Variants in DIO3 observed in about 807,000 individuals in gnomAD.
DIO3 encodes thyroxine 5-deiodinase.
DIO3 carries 5 observed loss-of-function variants against 20.4 expected under a neutral mutation model. The ratio of observed to expected loss-of-function variants is 0.25; its 90% CI spans 0.13 to 0.52. The LOEUF is 0.52. Ranked by LOEUF, DIO3 falls within the 20% of genes least tolerant of loss-of-function variation. The probability of loss-of-function intolerance (pLI) is 0.97; values close to 1 mark genes in which losing one functional copy is unlikely to be tolerated. For synonymous variants in DIO3, 201 were observed against 193.3 expected, an observed-to-expected ratio of 1.04 and a Z score of -0.33; for missense variants, 341 against 438.2, an observed-to-expected ratio of 0.78 and a Z score of 1.98.
In DIO3 at chr14:101,561,559, G is replaced by C. The variant is rs978983211; in HGVS notation, c.63G>C (p.Ser21=). Residue 21 remains serine, a synonymous_variant, in exon 1 of 1, where the codon TCG becomes TCC. Transcript: ENST00000510508. This position sits in a 1 kb window ranked among gnomAD's most constrained non-coding sequence, Gnocchi z 8.0. The stretch of plus-strand genomic sequence containing the variant: ...AGGGCGAGGGGTCCCAGGGGGCTTC[G>C]GGGCCTGCAGCCACCATGCTCCGCT... 2.5e-6 allele frequency: 4 copies of C among 1,612,840 alleles called. No individual in the cohort carries two copies. The highest frequency in any genetic ancestry group is 3.4e-6 in the Non-Finnish European group (4 of 1,179,764).
At position 101,561,830 on chromosome 14, in the gene DIO3, G is replaced by A. The variant is rs1279601854; in HGVS notation, c.334G>A (p.Ala112Thr). Residue 112 changes from alanine (A) to threonine (T), a missense_variant, in exon 1 of 1, where the codon GCG becomes ACG. Coordinates refer to ENST00000510508, the Ensembl canonical transcript of DIO3. This position sits in a 1 kb window ranked among gnomAD's most constrained non-coding sequence, Gnocchi z 8.0. ...CGACGACAACCGCCTGTGCACCCTG[G>A]CGTCGCTCAAGGCGGTGTGGCATGG... is the stretch of plus-strand genomic sequence containing the variant. 6.2e-7 allele frequency: 1 copy of A among 1,609,992 alleles called. No individual in the cohort carries two copies. Among genetic ancestry groups the A allele is most frequent in the Non-Finnish European group, 8.5e-7 (1 of 1,179,858 alleles).
Position 101,561,970 on chromosome 14 carries a change from C to A in DIO3, c.474C>A (p.Asn158Lys). The change falls in exon 1 of 1, where the codon AAC (asparagine) becomes AAA (lysine). Residue 158 changes from asparagine (N) to lysine (K), a missense_variant. This residue lies in a region of DIO3 where 198 missense variants were observed against 220.7 expected (regional missense o/e 0.90). Coordinates refer to ENST00000510508, the Ensembl canonical transcript of DIO3. This position sits in a 1 kb window ranked among gnomAD's most constrained non-coding sequence, Gnocchi z 8.0. ...ACATCCTCGACTACGCGCAAGGGAA[C>A]CGCCCGCTGGTTCTCAATTTCGGCA... 6.2e-7 allele frequency: 1 copy of A among 1,602,940 alleles called. No individual in the cohort carries two copies. The highest frequency in any genetic ancestry group is 8.5e-7 in the Non-Finnish European group (1 of 1,179,982).
At position 101,561,897 on chromosome 14, in the gene DIO3, C is replaced by T. The variant is rs371556514; in HGVS notation, c.401C>T (p.Pro134Leu). ...TTCAAGCAGGCGCACGAGGGCGGTC[C>T]GGCGCCCAACTCCGAGGTGGTTCTG... The change falls in exon 1 of 1, where the codon CCG becomes CTG. Residue 134 changes from proline to leucine, a missense_variant. Physicochemically the swap from Pro to Leu is moderately conservative, Grantham distance 98 (BLOSUM62 -3). This residue lies in a region of DIO3 where 198 missense variants were observed against 220.7 expected (regional missense o/e 0.90). Coordinates refer to ENST00000510508, the Ensembl canonical transcript of DIO3. This position sits in a 1 kb window ranked among gnomAD's most constrained non-coding sequence, Gnocchi z 8.0. The T allele has an allele frequency of 2.5e-6, 4 of 1,604,614 alleles. No homozygotes were observed. Among genetic ancestry groups the T allele is most frequent in the Non-Finnish European group, 3.4e-6 (4 of 1,179,370 alleles).
chr14:101,562,150 G>A lies in DIO3; in HGVS notation c.654G>A (p.Gln218=). The A allele has an allele frequency of 1.2e-6, 2 of 1,612,992 alleles. No homozygotes were observed. The highest frequency in any genetic ancestry group is 1.7e-6 in the Non-Finnish European group (2 of 1,180,026). The change falls in exon 1 of 1, where the codon CAG becomes CAA. Residue 218 remains glutamine, a synonymous_variant. Transcript: ENST00000510508. This position sits in a 1 kb window ranked among gnomAD's most constrained non-coding sequence, Gnocchi z 8.7. The stretch of plus-strand genomic sequence containing the variant: ...CGGACTCTCCCTACATCATCCCACA[G>A]CACCGGAGCCTGGAGGACCGGGTCA...
Position 101,562,371 on chromosome 14 carries a change from A to G in DIO3, c.875A>G (p.Tyr292Cys), listed in dbSNP as rs1268917299. The change falls in exon 1 of 1, where the codon TAT becomes TGT. Residue 292 changes from tyrosine (Y) to cysteine (C), a missense_variant. Around this residue, in one of 3 missense-constraint regions of DIO3, gnomAD observed 138 missense variants for 197.8 expected, o/e 0.70. Coordinates refer to ENST00000510508, the Ensembl canonical transcript of DIO3. This position sits in a 1 kb window ranked among gnomAD's most constrained non-coding sequence, Gnocchi z 8.7. ...GAGCTGCGCACTTGGTTGGAACGCT[A>G]TGATGAGCAACTGCACGGCGCTCGG... is the stretch of plus-strand genomic sequence containing the variant. 1 of 1,613,636 alleles carries G rather than the reference A, an allele frequency of 6.2e-7. No individual in the cohort carries two copies.
Position 101,562,176 on chromosome 14 carries a change from G to C in DIO3, c.680G>C (p.Ser227Thr), listed in dbSNP as rs1358377405. 3 of 1,612,536 alleles carry C rather than the reference G, an allele frequency of 1.9e-6. No individual in the cohort carries two copies. Among genetic ancestry groups the C allele is most frequent in the Non-Finnish European group, 2.5e-6 (3 of 1,180,040 alleles). ...CACCGGAGCCTGGAGGACCGGGTCA[G>C]CGCAGCGAGGGTACTGCAGCAAGGT... is the stretch of plus-strand genomic sequence containing the variant. The change falls in exon 1 of 1, where the codon AGC (serine) becomes ACC (threonine). Residue 227 changes from serine (S) to threonine (T), a missense_variant. By Grantham distance (58) the Ser-to-Thr change is moderately conservative (BLOSUM62 1). Coordinates refer to ENST00000510508, the Ensembl canonical transcript of DIO3. This position sits in a 1 kb window ranked among gnomAD's most constrained non-coding sequence, Gnocchi z 8.7.
rs1405199396 is a variant in DIO3, at chr14:101,562,497, G to T, written c.*86G>T. The T allele has an allele frequency of 9.8e-6, 13 of 1,329,468 alleles. No homozygotes were observed. The highest frequency in any genetic ancestry group is 2.4e-5 in the East Asian group (1 of 42,048). The allele number at this position is 1,329,468 out of a possible 1,614,324, so 82.4% of individuals were successfully genotyped here. On this transcript the variant is annotated 3_prime_UTR_variant, in exon 1 of 1. Coordinates refer to ENST00000510508, the Ensembl canonical transcript of DIO3. The surrounding 1 kb of genome is among the most constrained non-coding windows in gnomAD (Gnocchi z 8.7). Reference sequence around the variant, plus strand: ...GTGCAAGCGCCTCAAACCAAGTCACGCTTGGCGAGGCCCCAGTGACACTGA... The same window carrying T: ...GTGCAAGCGCCTCAAACCAAGTCACTCTTGGCGAGGCCCCAGTGACACTGA...
rs2034537338 is a variant in DIO3 at position 101,562,449 on chromosome 14, G to A, written c.*38G>A. The A allele has an allele frequency of 6.4e-7, 1 of 1,557,318 alleles. No homozygotes were observed. Among genetic ancestry groups the A allele is most frequent in the East Asian group, 2.3e-5 (1 of 44,296 alleles). ...CAATTGACTGAACTTGGTGGGCTGGGCCTTCGAGCCTTCGAAGCCCACGTG... is the reference window on the plus strand; with the variant it reads ...CAATTGACTGAACTTGGTGGGCTGGACCTTCGAGCCTTCGAAGCCCACGTG... On this transcript the variant is annotated 3_prime_UTR_variant, in exon 1 of 1. Coordinates refer to ENST00000510508, the Ensembl canonical transcript of DIO3. The surrounding 1 kb of genome is among the most constrained non-coding windows in gnomAD (Gnocchi z 8.7).
In DIO3 at chr14:101,561,952, C is replaced by A; in HGVS notation, c.456C>A (p.Leu152=). 1 of 1,603,458 alleles carries A rather than the reference C, an allele frequency of 6.2e-7. No homozygotes were observed. The change falls in exon 1 of 1, where the codon CTC becomes CTA. Residue 152 remains leucine, a synonymous_variant. Transcript: ENST00000510508. The surrounding 1 kb of genome is among the most constrained non-coding windows in gnomAD (Gnocchi z 8.0). ...ACGGCTTCCAGAGCCAGCACATCCTCGACTACGCGCAAGGGAACCGCCCGC... is the reference window on the plus strand; with the variant it reads ...ACGGCTTCCAGAGCCAGCACATCCTAGACTACGCGCAAGGGAACCGCCCGC...
chr14:101,562,207 C>G lies in DIO3; in HGVS notation c.711C>G (p.Pro237=). 6.2e-7 allele frequency: 1 copy of G among 1,612,134 alleles called. No individual in the cohort carries two copies. The highest frequency in any genetic ancestry group is 1.1e-5 in the South Asian group (1 of 91,078). Residue 237 remains proline, a synonymous_variant, in exon 1 of 1, where the codon CCC becomes CCG. Transcript: ENST00000510508. The surrounding 1 kb of genome is among the most constrained non-coding windows in gnomAD (Gnocchi z 8.7). The stretch of plus-strand genomic sequence containing the variant: ...CGAGGGTACTGCAGCAAGGTGCACC[C>G]GGCTGCGCTCTGGTCCTCGACACCA...
rs1045082607 is a variant in DIO3, at chr14:101,562,657, C to T, written c.*246C>T. On this transcript the variant is annotated 3_prime_UTR_variant, in exon 1 of 1. Transcript: ENST00000510508. The surrounding 1 kb of genome is among the most constrained non-coding windows in gnomAD (Gnocchi z 8.7). ...CTCACTGGAAATCCTCTTTTGAGCG[C>T]GGGATATGGCTTGCCCTTGTCCGTG... 1 of 538,618 alleles carries T rather than the reference C, an allele frequency of 1.9e-6. No homozygotes were observed. Among genetic ancestry groups the T allele is most frequent in the Non-Finnish European group, 3.4e-6 (1 of 294,272 alleles). 33.4% of individuals were successfully genotyped at this position (538,618 alleles called of 1,614,324 possible).
rs1369488119 is a variant in DIO3, at chr14:101,561,894, G to T, written c.398G>T (p.Gly133Val). The change falls in exon 1 of 1, where the codon GGT (glycine) becomes GTT (valine). Residue 133 changes from glycine to valine, a missense_variant. By Grantham distance (109) the Gly-to-Val change is moderately radical. This residue lies in a region of DIO3 where 198 missense variants were observed against 220.7 expected (regional missense o/e 0.90). Transcript: ENST00000510508. This position sits in a 1 kb window ranked among gnomAD's most constrained non-coding sequence, Gnocchi z 8.0. ...TTCTTCAAGCAGGCGCACGAGGGCG[G>T]TCCGGCGCCCAACTCCGAGGTGGTT... is the stretch of plus-strand genomic sequence containing the variant. 1 of 1,604,954 alleles carries T rather than the reference G, an allele frequency of 6.2e-7. No individual in the cohort carries two copies. The highest frequency in any genetic ancestry group is 1.3e-5 in the African/African-American group (1 of 75,072).
rs369967660 is a variant in DIO3, at chr14:101,562,550, T to G, written c.*139T>G. 20 of 780,506 alleles carry G rather than the reference T, an allele frequency of 2.6e-5. No homozygotes were observed. The East Asian group carries it at 5.4e-4, about 21-fold the overall frequency. The allele number at this position is 780,506 out of a possible 1,614,324, so 48.3% of individuals were successfully genotyped here. A position where few individuals can be genotyped will look rare whatever the true frequency, so the allele number is the denominator to read the frequency against. On this transcript the variant is annotated 3_prime_UTR_variant, in exon 1 of 1. Transcript: ENST00000510508. This position sits in a 1 kb window ranked among gnomAD's most constrained non-coding sequence, Gnocchi z 8.7. ...TGCTGAGCCACCATTTCAGACTGAGTCTGCACCCTCAGCCACATGAACAAT... is the reference window on the plus strand; with the variant it reads ...TGCTGAGCCACCATTTCAGACTGAGGCTGCACCCTCAGCCACATGAACAAT...
At position 101,561,575 on chromosome 14, in the gene DIO3, A is replaced by G; in HGVS notation, c.79A>G (p.Met27Val). The change falls in exon 1 of 1, where the codon ATG (methionine) becomes GTG (valine). Residue 27 changes from methionine (M) to valine (V), a missense_variant. Met to Val is a conservative substitution (Grantham distance 21). Transcript: ENST00000510508. This position sits in a 1 kb window ranked among gnomAD's most constrained non-coding sequence, Gnocchi z 8.0. ...GGGGGCTTCGGGGCCTGCAGCCACC[A>G]TGCTCCGCTCCCTGCTGCTTCACTC... 1 of 1,613,182 alleles carries G rather than the reference A, an allele frequency of 6.2e-7. No homozygotes were observed. The highest frequency in any genetic ancestry group is 8.5e-7 in the Non-Finnish European group (1 of 1,179,912).
rs1197950208 is a variant in DIO3, at chr14:101,561,726, G to A, written c.230G>A (p.Arg77Gln). The change falls in exon 1 of 1, where the codon CGG (arginine) becomes CAG (glutamine). Residue 77 changes from arginine to glutamine, a missense_variant. Coordinates refer to ENST00000510508, the Ensembl canonical transcript of DIO3. The surrounding 1 kb of genome is among the most constrained non-coding windows in gnomAD (Gnocchi z 8.0). ...AAGCATTTCCTGGGCCGCCGCCGCC[G>A]GGGGCAGCCCGAGCCCGAAGTGGAG... is the stretch of plus-strand genomic sequence containing the variant. 2 of 1,612,252 alleles carry A rather than the reference G, an allele frequency of 1.2e-6. No homozygotes were observed. The highest frequency in any genetic ancestry group is 1.7e-6 in the Non-Finnish European group (2 of 1,179,408).
In DIO3 at chr14:101,561,775, G is replaced by T; in HGVS notation, c.279G>T (p.Val93=). The T allele has an allele frequency of 6.2e-7, 1 of 1,612,048 alleles. No individual in the cohort carries two copies. Among genetic ancestry groups the T allele is most frequent in the Non-Finnish European group, 8.5e-7 (1 of 1,179,958 alleles). The change falls in exon 1 of 1, where the codon GTG becomes GTT. Residue 93 remains valine, a synonymous_variant. Transcript: ENST00000510508. This position sits in a 1 kb window ranked among gnomAD's most constrained non-coding sequence, Gnocchi z 8.0. ...AGCTCAACAGTGAAGGCGAGGAGGT[G>T]CCTCCCGATGACCCGCCCATCTGCG...
Position 101,562,241 on chromosome 14 carries a change from T to G in DIO3, c.745T>G (p.Ser249Ala). The change falls in exon 1 of 1, where the codon TCC (serine) becomes GCC (alanine). Residue 249 changes from serine (S) to alanine (A), a missense_variant. Physicochemically the swap from Ser to Ala is moderately conservative, Grantham distance 99. This residue lies in a region of DIO3 where 138 missense variants were observed against 197.8 expected (regional missense o/e 0.70). Coordinates refer to ENST00000510508, the Ensembl canonical transcript of DIO3. The surrounding 1 kb of genome is among the most constrained non-coding windows in gnomAD (Gnocchi z 8.7). ...TCTGGTCCTCGACACCATGGCCAAC[T>G]CCAGCAGCTCGGCCTATGGCGCCTA... is the stretch of plus-strand genomic sequence containing the variant. 6 of 1,612,530 alleles carry G rather than the reference T, an allele frequency of 3.7e-6. No individual in the cohort carries two copies. The highest frequency in any genetic ancestry group is 5.1e-6 in the Non-Finnish European group (6 of 1,180,020).
Position 101,562,626 on chromosome 14 carries a change from G to T in DIO3, c.*215G>T. The T allele has an allele frequency of 1.7e-6, 1 of 583,816 alleles. No individual in the cohort carries two copies. Among genetic ancestry groups the T allele is most frequent in the Non-Finnish European group, 3.1e-6 (1 of 324,022 alleles). The allele number at this position is 583,816 out of a possible 1,614,324, so 36.2% of individuals were successfully genotyped here. ...TTCTGTAACTGTCTCATTCACACCT[G>T]CCTGGCTCACTGGAAATCCTCTTTT... On this transcript the variant is annotated 3_prime_UTR_variant, in exon 1 of 1. Coordinates refer to ENST00000510508, the Ensembl canonical transcript of DIO3. This position sits in a 1 kb window ranked among gnomAD's most constrained non-coding sequence, Gnocchi z 8.7.
At position 101,561,991 on chromosome 14, in the gene DIO3, C is replaced by T. The variant is rs2034529846; in HGVS notation, c.495C>T (p.Phe165=). ...GGAACCGCCCGCTGGTTCTCAATTT[C>T]GGCAGCTGCACCTGACCACCGTTCA... Residue 165 remains phenylalanine (F), a synonymous_variant, in exon 1 of 1, where the codon TTC becomes TTT. Coordinates refer to ENST00000510508, the Ensembl canonical transcript of DIO3. This position sits in a 1 kb window ranked among gnomAD's most constrained non-coding sequence, Gnocchi z 8.0. 6.2e-7 allele frequency: 1 copy of T among 1,602,904 alleles called. No homozygotes were observed. The highest frequency in any genetic ancestry group is 8.5e-7 in the Non-Finnish European group (1 of 1,179,972).
Sources: gnomAD v4.1 joint callset for allele counts on GRCh38, gnomAD v4.1.1 for gene constraint, gnomAD v4.1.1 regional missense constraint, Gnocchi (gnomAD v3.1) non-coding constraint, MANE v1.5 for transcripts, NCBI Gene and HGNC (gene_info 2026-07-23, HGNC 2026-07-21) for gene names.